RUFY4: variants seen among roughly 807,000 people sequenced by gnomAD.
The protein encoded by RUFY4 is RUN and FYVE domain containing 4.
A neutral mutation model predicts 69.0 loss-of-function variants in RUFY4; 73 were observed. The observed-to-expected ratio is 1.06, with a 90% confidence interval of 0.88 to 1.29. RUFY4 has a LOEUF of 1.29. Ranked by LOEUF, RUFY4 falls within the 50% of genes most tolerant of loss-of-function variation. RUFY4 has a pLI of 0.00. For missense variants in RUFY4, 770 were observed against 705.6 expected (o/e 1.09, Z -1.03); for synonymous variants, 287 against 271.8 (o/e 1.06, Z -0.55).
chr2:218,049,586 A>G (rs112707865), intron 2 of RUFY4, among the ~76,000 whole-genome samples: 1,844 of 151,662 alleles, frequency 0.012, 33 homozygotes, highest in African/African-American at 0.041. Context: ...AGCTCACCGC[A>G]GCCTCTGCCT....
At chr2:218,082,305 C>T (rs939616676) in intron 8 of RUFY4, among the ~76,000 whole-genome samples, 1 of 152,168 alleles carries the variant, frequency 6.6e-6, no homozygotes, top group Non-Finnish European at 1.5e-5. Flanking sequence ...CACCTAAATC[C>T]TTCACTGCTC....
exon 8 of RUFY4, chr2:218,076,452 C>T: frequency 6.5e-7 from 1 of 1,549,902 alleles, no homozygotes; most frequent in African/African-American, 1.4e-5. Flanking sequence ...CTCCGGAAGG[C>T]TGAGGAGCAG....
upstream of RUFY4, chr2:218,070,420 G>T (rs1689457548): frequency 4.7e-6 from 3 of 642,356 alleles, no homozygotes; most frequent in Admixed American, 4.5e-5. Context: ...TCACACACTG[G>T]CCTACAAGAT....
At chr2:218,057,229 A>G (rs1689084074) in intron 2 of RUFY4, among the ~76,000 whole-genome samples, 1 of 152,204 alleles carries the variant, frequency 6.6e-6, no homozygotes, top group Non-Finnish European at 1.5e-5. Flanking sequence ...TAAAACCTGC[A>G]ACTTTCTCTT....
chr2:218,061,052 C>T (rs536279922), intron 3 of RUFY4: 15 of 661,128 alleles, frequency 2.3e-5, no homozygotes, highest in African/African-American at 1.6e-4. Flanking sequence ...CCTTCAGGAG[C>T]TAGACCACCT....
intron 10 of RUFY4, 99 bp downstream of exon 12, chr2:218,089,461 G>A: frequency 9.8e-7 from 1 of 1,016,100 alleles, no homozygotes; most frequent in Non-Finnish European, 1.5e-6. Context: ...ACAGGAACTG[G>A]GTGTTTATAA....
At chr2:218,066,156 G>T (rs1008372004), upstream of RUFY4, among the ~76,000 whole-genome samples, 13 of 148,174 alleles carry the variant, frequency 8.8e-5, no homozygotes, top group Non-Finnish European at 1.9e-4. Flanking sequence ...TAACAATATA[G>T]CAACTGTCAT....
intron 9 of RUFY4, among the ~76,000 whole-genome samples, chr2:218,085,911 C>T (rs1395830996): frequency 6.6e-6 from 1 of 152,114 alleles, no homozygotes; most frequent in Non-Finnish European, 1.5e-5. Flanking sequence ...ATTTTATTGC[C>T]TCTTTCTTAC....
chr2:218,071,783 G>A (rs951108974), intron 2 of RUFY4, among the ~76,000 whole-genome samples: 18 of 152,212 alleles, frequency 1.2e-4, no homozygotes, highest in Admixed American at 2.0e-4. Context: ...TCCGGGCCCC[G>A]GGACCCATCG....
chr2:218,056,989 G>A (rs946806434), intron 2 of RUFY4, among the ~76,000 whole-genome samples: 10 of 151,806 alleles, frequency 6.6e-5, no homozygotes, highest in African/African-American at 1.5e-4. Flanking sequence ...TGAGGCAGGC[G>A]AATCTCTTGA....
chr2:218,065,886 G>A (rs1357056702), upstream of RUFY4, among the ~76,000 whole-genome samples: 3 of 152,214 alleles, frequency 2.0e-5, no homozygotes, highest in East Asian at 1.9e-4. Flanking sequence ...TGGCCAGGCC[G>A]TGTCAGGGCA....
chr2:218,088,455 CAAAA>C (rs112643399), intron 9 of RUFY4, among the ~76,000 whole-genome samples: 6 of 88,296 alleles, frequency 6.8e-5, no homozygotes, highest in African/African-American at 1.7e-4. Context: ...GAGATGCTGT[CAAAA>C]AAAAAAAAAA....
intron 9 of RUFY4, among the ~76,000 whole-genome samples, chr2:218,084,800 CA>C (rs1191705655): frequency 6.6e-6 from 1 of 152,134 alleles, no homozygotes; most frequent in Non-Finnish European, 1.5e-5. Context: ...GTAATCCCAG[CA>C]CTTTAGGAAG....
chr2:218,036,184 G>A lies in RUFY4; in HGVS notation c.-1158+790G>A, dbSNP rs146124146. Among the ~76,000 whole-genome samples, 1,040 of 152,308 alleles carry A rather than the reference G, an allele frequency of 6.8e-3. 11 individuals carry two copies. Among genetic ancestry groups the A allele is most frequent in the African/African-American group, 0.023 (976 of 41,560 alleles). Reference sequence around the variant, plus strand: ...GATATTAAACAATTAGCACAGTGTCGTCGCCCAGGGACTGCTCAATCGGTG... The same window carrying A: ...GATATTAAACAATTAGCACAGTGTCATCGCCCAGGGACTGCTCAATCGGTG... On this transcript the variant is annotated intron_variant and NMD_transcript_variant, in intron 2 of 13. Coordinates refer to the RUFY4 transcript ENST00000457754.
chr2:218,087,044 T>G (rs1689910465), intron 9 of RUFY4, among the ~76,000 whole-genome samples: 1 of 152,178 alleles, frequency 6.6e-6, no homozygotes, highest in Non-Finnish European at 1.5e-5. Flanking sequence ...AATATATATA[T>G]GTATTATCTA....
chr2:218,039,679 G>C lies in RUFY4; in HGVS notation c.-1158+4285G>C, dbSNP rs149244256. ...GAAGCCGTTCTCCATTACTGAGATG[G>C]GGGGAGCAGTGACCTTGACCCCAGC... On this transcript the variant is annotated intron_variant and NMD_transcript_variant, in intron 2 of 13. Transcript: ENST00000457754. 4.2e-3 allele frequency among the ~76,000 whole-genome samples: 638 copies of C among 152,262 alleles called. 1 individual carries two copies. Among genetic ancestry groups the C allele is most frequent in the Non-Finnish European group, 6.5e-3 (445 of 68,018 alleles).
At chr2:218,040,274 T>G (rs973160406) in intron 2 of RUFY4, among the ~76,000 whole-genome samples, 1 of 152,214 alleles carries the variant, frequency 6.6e-6, no homozygotes, top group Non-Finnish European at 1.5e-5. Context: ...TTAACTGTTC[T>G]TCTCCAGATG....
At chr2:218,036,271 G>C (rs1476471159) in intron 2 of RUFY4, among the ~76,000 whole-genome samples, 4 of 152,310 alleles carry the variant, frequency 2.6e-5, no homozygotes, top group African/African-American at 9.6e-5. Flanking sequence ...TTCCCTTGCT[G>C]TGTGGCCAGA....
intron 3 of RUFY4, among the ~76,000 whole-genome samples, chr2:218,062,674 G>A (rs1345380522): frequency 1.3e-5 from 2 of 152,162 alleles, no homozygotes; most frequent in Non-Finnish European, 2.9e-5. Context: ...TGGCACTGCT[G>A]TGCTCCAGCC....
Sources: gnomAD v4.1 joint callset for allele counts (sites outside exome capture counted in the v4.1 genomes callset) on GRCh38, gnomAD v4.1.1 for gene constraint, MANE v1.5 for transcripts, NCBI Gene and HGNC (gene_info 2026-07-23, HGNC 2026-07-21) for gene names.